The following SH3PXD2B variants were observed in gnomAD, a reference collection of about 807,000 sequenced individuals.
SH3PXD2B encodes SH3 and PX domain-containing protein 2B.
In SH3PXD2B, 37 loss-of-function variants were observed where a neutral mutation model predicts 73.1. That is an observed-to-expected ratio of 0.51 (90% confidence interval 0.39 to 0.67). SH3PXD2B has a LOEUF of 0.67. SH3PXD2B is among the 30% of genes least tolerant of loss of function. SH3PXD2B has a pLI of 0.00. For synonymous variants in SH3PXD2B, 457 were observed against 480.5 expected (o/e 0.95, Z 0.64); for missense variants, 1,053 against 1,197.8 (o/e 0.88, Z 1.78).
At chr5:172,430,844 G>A (rs1759220538) in intron 1 of SH3PXD2B, among the ~76,000 whole-genome samples, 1 of 151,196 alleles carries the variant, frequency 6.6e-6, no homozygotes. Flanking sequence ...CCCCACTTGA[G>A]AAGTAACCAC....
In SH3PXD2B at chr5:172,338,534, G is replaced by C. The variant is rs779869957; in HGVS notation, c.2571C>G (p.Ala857=). The C allele has an allele frequency of 6.2e-7, 1 of 1,614,162 alleles. No homozygotes were observed. Among genetic ancestry groups the C allele is most frequent in the East Asian group, 2.2e-5 (1 of 44,882 alleles). ...CTTTGTCTCCTTCAAAGTCGGCCAC[G>C]GCCACATACAAAGAGTCCTTCAGGC... The part of the protein sequence containing the change: ...ADGLKDSLYV[A]VADFEGDKDT... Residue 857 remains alanine, a synonymous_variant, in exon 13 of 13, where the codon GCC becomes GCG. Transcript: ENST00000311601. The surrounding 1 kb of genome is among the most constrained non-coding windows in gnomAD (Gnocchi z 5.1).
chr5:172,417,733 C>T (rs1212913034), intron 2 of SH3PXD2B, among the ~76,000 whole-genome samples: 2 of 152,196 alleles, frequency 1.3e-5, no homozygotes, highest in African/African-American at 2.4e-5. Context: ...TAATAGCTGA[C>T]ATTTGCTTGG....
chr5:172,382,180 G>T, intron 4 of SH3PXD2B, 53 bp from the exon 5 acceptor site: 2 of 1,419,046 alleles, frequency 1.4e-6, no homozygotes, highest in Non-Finnish European at 1.9e-6. Context: ...GCTGAGCATG[G>T]TGGCACGCGC....
In SH3PXD2B at chr5:172,336,212, T is replaced by C; in HGVS notation, c.*2157A>G. 1 of 985,522 alleles carries C rather than the reference T, an allele frequency of 1.0e-6. No homozygotes were observed. The highest frequency in any genetic ancestry group is 1.2e-6 in the Non-Finnish European group (1 of 829,990). The allele number at this position is 985,522 out of a possible 1,614,324, so 61.0% of individuals were successfully genotyped here. ...AGCAAATCAGAAAAAAACATGTGTT[T>C]TGTCTTTTGAAATGCAGTCAAATCT... is the stretch of plus-strand genomic sequence containing the variant. On this transcript the variant is annotated 3_prime_UTR_variant, in exon 13 of 13. Coordinates refer to ENST00000311601, the MANE Select transcript of SH3PXD2B (RefSeq NM_001017995.3).
intron 1 of SH3PXD2B, among the ~76,000 whole-genome samples, chr5:172,429,289 T>C (rs1450852037): frequency 1.3e-5 from 2 of 152,110 alleles, no homozygotes; most frequent in Non-Finnish European, 2.9e-5. Context: ...CTGTCCCCTG[T>C]GCTGCTTCAC....
In SH3PXD2B at chr5:172,335,263, C is replaced by T. The variant is rs990577245; in HGVS notation, c.*3106G>A. Reference sequence around the variant, plus strand: ...GGGAAGAAAAAAAAATCTCTGCCCACCTTTTGGGCTGCCATTTGGCCTGTG... The same window carrying T: ...GGGAAGAAAAAAAAATCTCTGCCCATCTTTTGGGCTGCCATTTGGCCTGTG... On this transcript the variant is annotated 3_prime_UTR_variant, in exon 13 of 13. Coordinates refer to ENST00000311601, the MANE Select transcript of SH3PXD2B (RefSeq NM_001017995.3). 25 of 1,097,996 alleles carry T rather than the reference C, an allele frequency of 2.3e-5. No homozygotes were observed. Among genetic ancestry groups the T allele is most frequent in the Admixed American group, 1.5e-4 (3 of 19,442 alleles). 68.0% of individuals were successfully genotyped at this position (1,097,996 alleles called of 1,614,324 possible).
chr5:172,354,695 A>G (rs1011347562), intron 8 of SH3PXD2B, among the ~76,000 whole-genome samples: 3 of 152,210 alleles, frequency 2.0e-5, no homozygotes, highest in African/African-American at 7.2e-5. Context: ...GACACGGTGC[A>G]CAATTTTCAT....
chr5:172,330,536 T>C (rs1221700364), downstream of SH3PXD2B, among the ~76,000 whole-genome samples: 1 of 152,240 alleles, frequency 6.6e-6, no homozygotes, highest in Non-Finnish European at 1.5e-5. Context: ...ACATTCACAT[T>C]GCACACTAGT....
At chr5:172,364,640 G>C (rs142507860) in intron 6 of SH3PXD2B, among the ~76,000 whole-genome samples, 3,818 of 151,202 alleles carry the variant, frequency 0.025, 185 homozygotes, top group African/African-American at 0.089. Context: ...ACTCCAGCCT[G>C]GGTGACAGAA....
chr5:172,384,491 ACT>A (rs1758015465), intron 4 of SH3PXD2B, among the ~76,000 whole-genome samples: 1 of 151,984 alleles, frequency 6.6e-6, no homozygotes, highest in African/African-American at 2.4e-5. Context: ...CAAAACTGAA[ACT>A]CTGTACCCAT....
At chr5:172,424,250 G>A (rs1759041742) in intron 1 of SH3PXD2B, among the ~76,000 whole-genome samples, 1 of 152,198 alleles carries the variant, frequency 6.6e-6, no homozygotes, top group Non-Finnish European at 1.5e-5. Flanking sequence ...ATCCAGTCCA[G>A]GTTGATACCG....
intron 12 of SH3PXD2B, among the ~76,000 whole-genome samples, chr5:172,344,069 C>T (rs1756922305): frequency 6.6e-6 from 1 of 152,084 alleles, no homozygotes; most frequent in Admixed American, 6.6e-5. Context: ...GGTAAGGTAC[C>T]TGACACAGAA....
At chr5:172,359,290 G>C (rs1757347929) in intron 7 of SH3PXD2B, among the ~76,000 whole-genome samples, 1 of 150,430 alleles carries the variant, frequency 6.6e-6, no homozygotes, top group South Asian at 2.1e-4. Context: ...GGGAGGCTGA[G>C]TTGGGAGGAT....
chr5:172,432,145 C>T (rs1181355480), intron 1 of SH3PXD2B, among the ~76,000 whole-genome samples: 1 of 152,160 alleles, frequency 6.6e-6, no homozygotes, highest in Non-Finnish European at 1.5e-5. Flanking sequence ...TGCCCTCCAG[C>T]CTGGACAACA....
At chr5:172,345,132 A>AGGAGGGAAGGAAGGAGGGAAGGAG (rs1561894294) in intron 12 of SH3PXD2B, among the ~76,000 whole-genome samples, 1 of 150,684 alleles carries the variant, frequency 6.6e-6, no homozygotes, top group African/African-American at 2.4e-5. Context: ...GAGGGAAGGA[A>AGGAGGGAAGGAAGGAGGGAAGGAG]GGAATGAAGG....
At chr5:172,376,608 C>G (rs78445199) in intron 5 of SH3PXD2B, among the ~76,000 whole-genome samples, 10,106 of 152,238 alleles carry the variant, frequency 0.066, 472 homozygotes, top group South Asian at 0.2. Context: ...GGAGGCGCAG[C>G]AGAGTCTGGC....
intron 2 of SH3PXD2B, among the ~76,000 whole-genome samples, chr5:172,414,646 T>A (rs1238117950): frequency 6.6e-6 from 1 of 152,066 alleles, no homozygotes; most frequent in Non-Finnish European, 1.5e-5. Flanking sequence ...CCCCTGAGCC[T>A]AGCAGCAACG....
chr5:172,349,687 A>G (rs540976252), intron 10 of SH3PXD2B, among the ~76,000 whole-genome samples: 1 of 152,300 alleles, frequency 6.6e-6, no homozygotes, highest in South Asian at 2.1e-4. Context: ...CCCAATCTGT[A>G]AAACAGAAAA....
chr5:172,347,246 G>A, intron 11 of SH3PXD2B, 37 bp downstream of exon 11: 2 of 1,611,928 alleles, frequency 1.2e-6, no homozygotes, highest in Non-Finnish European at 1.7e-6. Flanking sequence ...CAGCCCTCAA[G>A]TCAGTGGCCA....
Sources: allele counts gnomAD v4.1 joint callset (sites outside exome capture counted in the v4.1 genomes callset), GRCh38; gene constraint gnomAD v4.1.1; non-coding constraint Gnocchi (gnomAD v3.1); transcripts MANE v1.5; gene names NCBI Gene and HGNC (gene_info 2026-07-23, HGNC 2026-07-21).